Variants in SLC25A25 observed in about 807,000 individuals in gnomAD.
The protein encoded by SLC25A25 is solute carrier family 25 member 25.
A neutral mutation model predicts 57.7 loss-of-function variants in SLC25A25; 32 were observed. That is an observed-to-expected ratio of 0.55 (90% confidence interval 0.42 to 0.74). The LOEUF (loss-of-function observed/expected upper bound fraction) is 0.74, where lower values mean the gene tolerates loss of function less well. SLC25A25 is among the 30% of genes least tolerant of loss of function. The pLI is 0.00. For missense variants in SLC25A25, 556 were observed against 701.3 expected, an observed-to-expected ratio of 0.79 and a Z score of 2.34; for synonymous variants, 306 against 291.2, an observed-to-expected ratio of 1.05 and a Z score of -0.52.
chr9:128,098,843 G>GT (rs1588778015), intron 1 of SLC25A25: 2 of 1,513,180 alleles, frequency 1.3e-6, no homozygotes, highest in Non-Finnish European at 1.8e-6. Flanking sequence ...AAATGTAGCA[G>GT]TTTTTTCCCA....
chr9:128,079,185 CA>C (rs752588498), intron 1 of SLC25A25, among the ~76,000 whole-genome samples: 1 of 152,068 alleles, frequency 6.6e-6, no homozygotes, highest in Non-Finnish European at 1.5e-5. Context: ...AATCATGACT[CA>C]TTTTCTGCAG....
At chr9:128,068,623 T>G in intron 1 of SLC25A25, 43 bp downstream of exon 1, 1 of 1,375,472 alleles carries the variant, frequency 7.3e-7, no homozygotes, top group South Asian at 1.7e-5. Flanking sequence ...AGGGAGCCCC[T>G]CGAGGGCCGG....
chr9:128,086,930 A>G (rs1833288716), intron 1 of SLC25A25, among the ~76,000 whole-genome samples: 1 of 151,684 alleles, frequency 6.6e-6, no homozygotes, highest in South Asian at 2.1e-4. Flanking sequence ...AGATACTTAA[A>G]TAGGCTGGGA....
intron 1 of SLC25A25, among the ~76,000 whole-genome samples, chr9:128,092,660 G>C (rs973668070): frequency 6.6e-6 from 1 of 152,180 alleles, no homozygotes; most frequent in Non-Finnish European, 1.5e-5. Flanking sequence ...CGGCCGCTGC[G>C]GGTCTGCCAA....
chr9:128,068,695 G>T, intron 1 of SLC25A25, 115 bp downstream of exon 1: 1 of 1,194,248 alleles, frequency 8.4e-7, no homozygotes, highest in Non-Finnish European at 1.1e-6. Context: ...CAGAGGAAGG[G>T]TGCCCCCTGA....
chr9:128,081,589 CAT>C (rs1437713119), intron 1 of SLC25A25, among the ~76,000 whole-genome samples: 1 of 152,028 alleles, frequency 6.6e-6, no homozygotes, highest in Non-Finnish European at 1.5e-5. Context: ...TCTTGGTGCA[CAT>C]GTCTAATCTA....
At position 128,101,197 on chromosome 9, in the gene SLC25A25, T is replaced by C; in HGVS notation, c.363T>C (p.Phe121=). The C allele has an allele frequency of 6.2e-7, 1 of 1,614,246 alleles. No homozygotes were observed. Among genetic ancestry groups the C allele is most frequent in the Non-Finnish European group, 8.5e-7 (1 of 1,180,052 alleles). The change falls in exon 2 of 11, where the codon TTT becomes TTC. Residue 121 remains phenylalanine (F), a synonymous_variant. Transcript: ENST00000373069. This position sits in a 1 kb window ranked among gnomAD's most constrained non-coding sequence, Gnocchi z 4.9. ...QDHEKKLRLV[F]KSLDKKNDGR... ...ATGAGAAGAAGCTGAGGCTGGTGTTTAAGAGTTTGGACAAAAAGAATGATG... is the reference window on the plus strand; with the variant it reads ...ATGAGAAGAAGCTGAGGCTGGTGTTCAAGAGTTTGGACAAAAAGAATGATG...
chr9:128,092,441 A>G (rs188866766), intron 1 of SLC25A25, among the ~76,000 whole-genome samples: 1 of 152,300 alleles, frequency 6.6e-6, no homozygotes, highest in East Asian at 1.9e-4. Flanking sequence ...GGGCGAAGCT[A>G]AAGGGGCGAG....
Position 128,068,368 on chromosome 9 carries a change from G to C in SLC25A25, c.49G>C (p.Ala17Pro), listed in dbSNP as rs1564174530. The change falls in exon 1 of 11, where the codon GCC becomes CCC. Residue 17 changes from alanine (A) to proline (P), a missense_variant. This residue lies in a region of SLC25A25 where 248 missense variants were observed against 273.5 expected (regional missense o/e 0.91). Transcript: ENST00000373069. ...CTGTGTGGCCTCCCCGCCGCCGGAC[G>C]CCGCCGCCACCGCCGCCTCTTCGTC... ...CRCVASPPPD[A>P]AATAASSSAS... is the part of the protein sequence containing the mutation. 1 of 1,544,020 alleles carries C rather than the reference G, an allele frequency of 6.5e-7. No individual in the cohort carries two copies.
chr9:128,085,326 C>T (rs1471315442), intron 1 of SLC25A25, among the ~76,000 whole-genome samples: 1 of 30,434 alleles, frequency 3.3e-5, no homozygotes, highest in African/African-American at 6.2e-5. Context: ...AGCAAAACTC[C>T]GTCTCAAAAA....
At chr9:128,081,927 T>TAAAATA (rs1032144450) in intron 1 of SLC25A25, among the ~76,000 whole-genome samples, 1 of 151,536 alleles carries the variant, frequency 6.6e-6, no homozygotes, top group Non-Finnish European at 1.5e-5. Context: ...TCAAAAAAAA[T>TAAAATA]AAAGTAGAAA....
intron 1 of SLC25A25, among the ~76,000 whole-genome samples, chr9:128,070,084 A>T (rs1283975041): frequency 6.3e-4 from 4 of 6,360 alleles, no homozygotes; most frequent in Admixed American, 3.0e-3. Flanking sequence ...CACCCAGCTA[A>T]TTTTTTTTTT....
rs751514622 is a variant in SLC25A25, at chr9:128,102,332, C to T, written c.513-38C>T. ...TGGGGGGATGCAGCTGGCGGATGGGCATGTGGGCACGTGGGCAGCCTCGCC... is the reference window on the plus strand; with the variant it reads ...TGGGGGGATGCAGCTGGCGGATGGGTATGTGGGCACGTGGGCAGCCTCGCC... On this transcript the variant is annotated intron_variant, in intron 4 of 10. Coordinates refer to ENST00000373069, the MANE Select transcript of SLC25A25 (RefSeq NM_001330988.2). The surrounding 1 kb of genome is among the most constrained non-coding windows in gnomAD (Gnocchi z 4.1). 1.3e-6 allele frequency: 2 copies of T among 1,567,030 alleles called. No homozygotes were observed. The highest frequency in any genetic ancestry group is 1.1e-5 in the South Asian group (1 of 89,576).
intron 6 of SLC25A25, among the ~76,000 whole-genome samples, chr9:128,104,185 G>A (rs1376938358): frequency 6.6e-6 from 1 of 152,200 alleles, no homozygotes; most frequent in Non-Finnish European, 1.5e-5. Flanking sequence ...TGACCCAGAT[G>A]CCAATGGGAA....
At position 128,107,406 on chromosome 9, in the gene SLC25A25, G is replaced by T. The variant is rs146124484; in HGVS notation, c.1510G>T (p.Glu504Ter). The change falls in exon 11 of 11, where the codon GAG becomes TAG. Residue 504 changes from glutamate to a stop codon, truncating the protein, a stop_gained. Transcript: ENST00000373069. LOFTEE classifies it high-confidence loss of function. ...PAVSISYVVY[E>*]NLKITLGVQS... is the part of the protein sequence containing the mutation. ...TGTGAGCATCAGCTACGTGGTCTAC[G>T]AGAACCTGAAGATCACCCTGGGCGT... 6.6e-7 allele frequency: 1 copy of T among 1,509,606 alleles called. No individual in the cohort carries two copies. 93.5% of individuals were successfully genotyped at this position (1,509,606 alleles called of 1,614,324 possible).
At chr9:128,098,406 G>A in intron 1 of SLC25A25, 11 of 1,351,434 alleles carry the variant, frequency 8.1e-6, no homozygotes, top group Non-Finnish European at 1.1e-5. Context: ...ACTTGCCGTG[G>A]GAGGGCTTTT....
chr9:128,086,181 T>TTA (rs397762179), intron 1 of SLC25A25, among the ~76,000 whole-genome samples: 2 of 150,960 alleles, frequency 1.3e-5, no homozygotes, highest in African/African-American at 2.4e-5. Context: ...TGTTTTTTTT[T>TTA]AGACAAGATC....
At chr9:128,093,717 C>T (rs1833477500) in intron 1 of SLC25A25, among the ~76,000 whole-genome samples, 1 of 152,248 alleles carries the variant, frequency 6.6e-6, no homozygotes, top group African/African-American at 2.4e-5. Flanking sequence ...ACTGGAGTAA[C>T]AGGAACATGG....
At chr9:128,100,735 A>G (rs1833755411) in intron 1 of SLC25A25, 4 of 234,730 alleles carry the variant, frequency 1.7e-5, no homozygotes, top group Middle Eastern at 1.6e-3. Flanking sequence ...GCTGCAGCGA[A>G]GCCACCCTGC....
Sources: gnomAD v4.1 joint callset for allele counts (sites outside exome capture counted in the v4.1 genomes callset) on GRCh38, gnomAD v4.1.1 for gene constraint, gnomAD v4.1.1 regional missense constraint, Gnocchi (gnomAD v3.1) non-coding constraint, MANE v1.5 for transcripts, NCBI Gene and HGNC (gene_info 2026-07-23, HGNC 2026-07-21) for gene names.